ZBTB46: variants seen among roughly 807,000 people sequenced by gnomAD.
ZBTB46 encodes the protein zinc finger and BTB domain-containing protein 46.
In ZBTB46, 8 loss-of-function variants were observed where a neutral mutation model predicts 44.1. That is an observed-to-expected ratio of 0.18 (90% CI 0.11 to 0.33). ZBTB46 has a LOEUF of 0.33. Among genes scored for constraint, ZBTB46 ranks in the 10% least tolerant of loss-of-function variants. The pLI, the probability that ZBTB46 is intolerant of heterozygous loss-of-function variation, is 1.00. For missense variants in ZBTB46, 651 were observed against 847.7 expected (o/e 0.77, Z 2.88); for synonymous variants, 409 against 382.3 (o/e 1.07, Z -0.81).
rs1312675637 is a variant in ZBTB46, at chr20:63,752,089, C to T, written c.1398+597G>A. ...GTGGGCGTTCCAGGACTCCCCGAAC[C>T]CTTGGGGCCGCCCCGCTCTGGGCTG... On this transcript the variant is annotated intron_variant, in intron 4 of 4. Coordinates refer to ENST00000245663, the MANE Select transcript of ZBTB46 (RefSeq NM_001369741.1). This position sits in a 1 kb window ranked among gnomAD's most constrained non-coding sequence, Gnocchi z 5.6. Among the ~76,000 whole-genome samples the T allele has an allele frequency of 1.3e-5, 2 of 152,106 alleles. No homozygotes were observed. The highest frequency in any genetic ancestry group is 2.9e-5 in the Non-Finnish European group (2 of 68,010).
At chr20:63,799,352 CT>C (rs61056676) in intron 1 of ZBTB46, among the ~76,000 whole-genome samples, 83 of 145,320 alleles carry the variant, frequency 5.7e-4, no homozygotes, top group African/African-American at 1.8e-3. Flanking sequence ...GTGAGACTAA[CT>C]TTTTTTTTTC....
rs1323397354 is a variant in ZBTB46 at position 63,790,735 on chromosome 20, A to G, written c.23T>C (p.Met8Thr). 1 of 1,606,866 alleles carries G rather than the reference A, an allele frequency of 6.2e-7. No individual in the cohort carries two copies. Among genetic ancestry groups the G allele is most frequent in the Non-Finnish European group, 8.5e-7 (1 of 1,177,486 alleles). MNNRKEDMEITSHYRHLL... is the reference protein window; with the variant it reads MNNRKEDTEITSHYRHLL... The stretch of plus-strand genomic sequence containing the variant: ...GTGCCGGTAGTGGGACGTGATTTCC[A>G]TATCTTCCTTTCGGTTGTTCATTTG... The change falls in exon 2 of 5, where the codon ATG (methionine) becomes ACG (threonine). Residue 8 changes from methionine to threonine, a missense_variant. Around this residue, in one of 5 missense-constraint regions of ZBTB46, gnomAD observed 65 missense variants for 167.9 expected, o/e 0.39. Transcript: ENST00000245663.
chr20:63,781,876 G>C (rs1276065307), intron 2 of ZBTB46, among the ~76,000 whole-genome samples: 2 of 151,906 alleles, frequency 1.3e-5, no homozygotes. Context: ...ACAAGGTCAG[G>C]AGATCGAGAC....
intron 1 of ZBTB46, among the ~76,000 whole-genome samples, chr20:63,812,559 A>G (rs1188211508): frequency 1.3e-5 from 2 of 150,870 alleles, no homozygotes; most frequent in African/African-American, 4.9e-5. Flanking sequence ...GGCGAATCAC[A>G]AGGTCAGGAG....
chr20:63,763,033 T>A (rs2092290756), intron 3 of ZBTB46, among the ~76,000 whole-genome samples: 2 of 152,090 alleles, frequency 1.3e-5, no homozygotes, highest in African/African-American at 4.8e-5. Context: ...GCTAATTATT[T>A]AATTCTTTTA....
intron 1 of ZBTB46, among the ~76,000 whole-genome samples, chr20:63,808,896 G>GAACCCGGGGGGCGGA (rs1296539304): frequency 6.9e-6 from 1 of 145,698 alleles, no homozygotes; most frequent in Non-Finnish European, 1.5e-5. Context: ...AGAATGGCGG[G>GAACCCGGGGGGCGGA]AACCCGGGGG....
chr20:63,801,403 GCT>G (rs1168051314), intron 1 of ZBTB46, among the ~76,000 whole-genome samples: 1 of 152,180 alleles, frequency 6.6e-6, no homozygotes, highest in Non-Finnish European at 1.5e-5. Flanking sequence ...GGGCCAATCA[GCT>G]CTCTCTAAAA....
chr20:63,817,345 C>T (rs1461510692), intron 1 of ZBTB46, among the ~76,000 whole-genome samples: 1 of 151,784 alleles, frequency 6.6e-6, no homozygotes, highest in Non-Finnish European at 1.5e-5. Context: ...AAGGAGGCTA[C>T]AGTGAGCTGT....
At chr20:63,792,988 G>T (rs1245101115) in intron 1 of ZBTB46, among the ~76,000 whole-genome samples, 3 of 152,150 alleles carry the variant, frequency 2.0e-5, no homozygotes, top group Non-Finnish European at 4.4e-5. Context: ...TTGCCTGCCG[G>T]GAGACGCGCT....
Position 63,789,832 on chromosome 20 carries a change from C to T in ZBTB46, c.926G>A (p.Ser309Asn), listed in dbSNP as rs372709020. The stretch of plus-strand genomic sequence containing the variant: ...AGTGAAAGGCTTACTTGAGTCTCGG[C>T]TGCTGAACGGCCACCCCGACGTCGG... ...FLPTSGWPFS[S>N]RDSNADLSVT... Residue 309 changes from serine (S) to asparagine (N), a missense_variant, in exon 2 of 5, where the codon AGC becomes AAC. Physicochemically the swap from Ser to Asn is conservative, Grantham distance 46. Around this residue, in one of 5 missense-constraint regions of ZBTB46, gnomAD observed 385 missense variants for 423.3 expected, o/e 0.91. Transcript: ENST00000245663. 4 of 1,609,590 alleles carry T rather than the reference C, an allele frequency of 2.5e-6. No homozygotes were observed. Among genetic ancestry groups the T allele is most frequent in the Non-Finnish European group, 3.4e-6 (4 of 1,178,796 alleles).
intron 3 of ZBTB46, among the ~76,000 whole-genome samples, chr20:63,764,602 T>C (rs1242698217): frequency 2.4e-5 from 3 of 124,436 alleles, no homozygotes; most frequent in South Asian, 2.7e-4. Context: ...GCATTTTTTC[T>C]CTGTTTTTTT....
upstream of ZBTB46, among the ~76,000 whole-genome samples, chr20:63,832,037 A>C (rs993603705): frequency 2.2e-4 from 33 of 151,600 alleles, no homozygotes; most frequent in African/African-American, 7.7e-4. This position sits in a 1 kb window ranked among gnomAD's most constrained non-coding sequence, Gnocchi z 5.0. Context: ...CTTTTGGCTG[A>C]CTAGGGGCAC....
chr20:63,748,234 T>G (rs985775107), intron 4 of ZBTB46, among the ~76,000 whole-genome samples: 10 of 152,216 alleles, frequency 6.6e-5, no homozygotes, highest in African/African-American at 2.4e-4. Context: ...AGTCGTGCTG[T>G]GCCCTGTGCT....
At chr20:63,794,035 A>G (rs555418988) in intron 1 of ZBTB46, among the ~76,000 whole-genome samples, 59 of 151,808 alleles carry the variant, frequency 3.9e-4, no homozygotes, top group Non-Finnish European at 6.3e-4. Flanking sequence ...AAATACAAAA[A>G]ATTTGCTGGG....
intron 3 of ZBTB46, among the ~76,000 whole-genome samples, chr20:63,765,671 C>T (rs1170067211): frequency 6.6e-6 from 1 of 152,058 alleles, no homozygotes; most frequent in Non-Finnish European, 1.5e-5. Flanking sequence ...CTTAAGCAAT[C>T]CTCCCGCCAC....
At chr20:63,748,189 T>C (rs2092123396) in intron 4 of ZBTB46, among the ~76,000 whole-genome samples, 1 of 152,210 alleles carries the variant, frequency 6.6e-6, no homozygotes, top group African/African-American at 2.4e-5. Context: ...TGAGCACTTA[T>C]GGTCAGAGGA....
intron 1 of ZBTB46, among the ~76,000 whole-genome samples, chr20:63,799,346 GACTA>G (rs558255655): frequency 6.9e-6 from 1 of 145,544 alleles, no homozygotes; most frequent in Non-Finnish European, 1.5e-5. Context: ...GGCCTGGTGA[GACTA>G]ACTTTTTTTT....
chr20:63,780,178 G>A (rs981936239), intron 2 of ZBTB46, among the ~76,000 whole-genome samples: 7 of 151,770 alleles, frequency 4.6e-5, no homozygotes, highest in Non-Finnish European at 8.8e-5. Flanking sequence ...AGCTGAGGCA[G>A]GAAAATCGCT....
chr20:63,832,285 C>T (rs942124289), upstream of ZBTB46, among the ~76,000 whole-genome samples: 3 of 152,146 alleles, frequency 2.0e-5, no homozygotes, highest in Non-Finnish European at 4.4e-5. This position sits in a 1 kb window ranked among gnomAD's most constrained non-coding sequence, Gnocchi z 5.0. Flanking sequence ...CCTGGCCGGC[C>T]TGCGCAGGGG....
Sources: allele counts gnomAD v4.1 joint callset (sites outside exome capture counted in the v4.1 genomes callset), GRCh38; gene constraint gnomAD v4.1.1; regional missense constraint gnomAD v4.1.1; non-coding constraint Gnocchi (gnomAD v3.1); transcripts MANE v1.5; gene names NCBI Gene and HGNC (gene_info 2026-07-23, HGNC 2026-07-21).